Variants in CSMD3 observed in about 807,000 individuals in gnomAD.
CSMD3 encodes the protein CUB and Sushi multiple domains 3, also known as CUB and sushi domain-containing protein 3.
Under a neutral mutation model 435.2 loss-of-function variants are expected in CSMD3, and 177 were observed. The ratio of observed to expected loss-of-function variants is 0.41; its 90% CI spans 0.36 to 0.46. CSMD3 has a LOEUF of 0.46. Ranked by LOEUF, CSMD3 falls within the 20% of genes least tolerant of loss-of-function variation. The pLI is 0.34. For synonymous variants in CSMD3, 1,656 were observed against 1,520.5 expected (o/e 1.09, Z -2.07); for missense variants, 4,265 against 4,504.6 (o/e 0.95, Z 1.52).
intron 13 of CSMD3, among the ~76,000 whole-genome samples, chr8:112,690,530 C>A (rs569589903): frequency 6.6e-6 from 1 of 151,564 alleles, no homozygotes; most frequent in Admixed American, 6.6e-5. Flanking sequence ...GAATACCTCT[C>A]ACCTAAGATC....
chr8:112,308,498 AT>A (rs1403458129), intron 50 of CSMD3, among the ~76,000 whole-genome samples: 1 of 152,164 alleles, frequency 6.6e-6, no homozygotes, highest in African/African-American at 2.4e-5. Context: ...TTCTCCGCTA[AT>A]TTTTTTAAAA....
intron 11 of CSMD3, among the ~76,000 whole-genome samples, chr8:112,858,673 T>C (rs1404576096): frequency 6.6e-6 from 1 of 151,878 alleles, no homozygotes; most frequent in Non-Finnish European, 1.5e-5. Flanking sequence ...CTTTTTGAAA[T>C]ATCCATAATA....
intron 3 of CSMD3, among the ~76,000 whole-genome samples, chr8:113,205,279 G>T (rs141677417): frequency 6.6e-6 from 1 of 152,018 alleles, no homozygotes; most frequent in Admixed American, 6.6e-5. Context: ...CACCGTGGCC[G>T]GCAGGGAACT....
intron 32 of CSMD3, among the ~76,000 whole-genome samples, chr8:112,424,383 A>G (rs1812835325): frequency 6.6e-6 from 1 of 152,212 alleles, no homozygotes; most frequent in Non-Finnish European, 1.5e-5. Context: ...CATTATCAGT[A>G]AAAGAAACTA....
At chr8:113,284,625 G>A (rs1414377219) in intron 2 of CSMD3, among the ~76,000 whole-genome samples, 1 of 152,034 alleles carries the variant, frequency 6.6e-6, no homozygotes. Context: ...TCTTTAAAAT[G>A]TGAGCTATAA....
chr8:113,379,065 C>A (rs548583565), intron 1 of CSMD3, among the ~76,000 whole-genome samples: 6 of 152,138 alleles, frequency 3.9e-5, no homozygotes, highest in African/African-American at 1.4e-4. Context: ...ACTAATAACA[C>A]TTCATTTACA....
intron 45 of CSMD3, among the ~76,000 whole-genome samples, chr8:112,333,805 T>C (rs1295865499): frequency 6.6e-6 from 1 of 152,160 alleles, no homozygotes; most frequent in African/African-American, 2.4e-5. Context: ...AGTTCATCAA[T>C]GAATAGTCCT....
chr8:112,717,371 C>A (rs544553801), intron 13 of CSMD3, among the ~76,000 whole-genome samples: 1 of 152,122 alleles, frequency 6.6e-6, no homozygotes, highest in African/African-American at 2.4e-5. Flanking sequence ...CAATGAGATA[C>A]TATCTCTTGC....
chr8:112,705,062 G>T (rs2131892247), intron 13 of CSMD3, among the ~76,000 whole-genome samples: 1 of 152,192 alleles, frequency 6.6e-6, no homozygotes, highest in East Asian at 1.9e-4. Context: ...TATTTACAGA[G>T]CATATACTGT....
At chr8:113,367,470 G>A (rs1194850090) in intron 1 of CSMD3, among the ~76,000 whole-genome samples, 1 of 151,744 alleles carries the variant, frequency 6.6e-6, no homozygotes, top group Non-Finnish European at 1.5e-5. Flanking sequence ...ACAATGTCTT[G>A]TACATAAATT....
At position 112,784,162 on chromosome 8, in the gene CSMD3, G is replaced by A. The variant is rs73342116; in HGVS notation, c.1972+16000C>T. On this transcript the variant is annotated intron_variant, in intron 13 of 70. Transcript: ENST00000297405. ...AAGAGGATAAATACATGATAATTAAGCAATATGCTCCTGAATGACCAGTGG... is the reference window on the plus strand; with the variant it reads ...AAGAGGATAAATACATGATAATTAAACAATATGCTCCTGAATGACCAGTGG... Among the ~76,000 whole-genome samples the A allele has an allele frequency of 1.9e-3, 288 of 152,076 alleles. 1 individual carries two copies. The highest frequency in any genetic ancestry group is 6.8e-3 in the African/African-American group (281 of 41,550).
chr8:112,717,497 A>G (rs1356602075), intron 13 of CSMD3, among the ~76,000 whole-genome samples: 1 of 152,204 alleles, frequency 6.6e-6, no homozygotes, highest in Non-Finnish European at 1.5e-5. Context: ...TGTGGAAGAC[A>G]GTGTGGCAAT....
chr8:112,671,626 T>A (rs1002704488), intron 16 of CSMD3, among the ~76,000 whole-genome samples: 1 of 152,142 alleles, frequency 6.6e-6, no homozygotes, highest in African/African-American at 2.4e-5. Flanking sequence ...CAGATGATCC[T>A]CAACTTATGA....
intron 5 of CSMD3, among the ~76,000 whole-genome samples, chr8:113,068,061 C>T (rs997021471): frequency 2.0e-5 from 3 of 152,078 alleles, no homozygotes; most frequent in Non-Finnish European, 4.4e-5. Flanking sequence ...TGTTTTAAAA[C>T]AAACTGTTCA....
intron 13 of CSMD3, among the ~76,000 whole-genome samples, chr8:112,752,740 C>A (rs946588678): frequency 2.0e-5 from 3 of 151,978 alleles, no homozygotes; most frequent in Admixed American, 6.6e-5. Context: ...AATATATATT[C>A]TCTAAAAATA....
At chr8:113,195,650 C>T (rs1041162559) in intron 3 of CSMD3, among the ~76,000 whole-genome samples, 1 of 150,136 alleles carries the variant, frequency 6.7e-6, no homozygotes, top group African/African-American at 2.4e-5. Context: ...CATTTCCCAC[C>T]ATCATGATGA....
At chr8:113,314,273 T>C (rs1474352933) in intron 2 of CSMD3, 1 of 326,216 alleles carries the variant, frequency 3.1e-6, no homozygotes, top group Non-Finnish European at 5.7e-6. Flanking sequence ...ATATCCATAA[T>C]GAATGAAACC....
At chr8:113,350,012 C>T (rs1218924763) in intron 1 of CSMD3, among the ~76,000 whole-genome samples, 3 of 151,814 alleles carry the variant, frequency 2.0e-5, no homozygotes, top group African/African-American at 4.8e-5. Context: ...GTCTAGAGTC[C>T]GAGGCTACCA....
At chr8:113,224,630 A>C (rs1458417763) in intron 3 of CSMD3, among the ~76,000 whole-genome samples, 2 of 151,412 alleles carry the variant, frequency 1.3e-5, no homozygotes, top group East Asian at 3.9e-4. Context: ...TCACACTGCA[A>C]TAATAATTTA....
Sources: gnomAD v4.1 joint callset for allele counts (sites outside exome capture counted in the v4.1 genomes callset) on GRCh38, gnomAD v4.1.1 for gene constraint, MANE v1.5 for transcripts, NCBI Gene and HGNC (gene_info 2026-07-23, HGNC 2026-07-21) for gene names.